Variants in DLGAP1 observed in about 807,000 individuals in gnomAD.
The protein encoded by DLGAP1 is DLG associated protein 1.
Under a neutral mutation model 90.8 loss-of-function variants are expected in DLGAP1, and 11 were observed. The observed-to-expected ratio is 0.12, with a 90% CI of 0.08 to 0.20. The LOEUF (loss-of-function observed/expected upper bound fraction) is 0.20, where lower values mean the gene tolerates loss of function less well. Ranked by LOEUF, DLGAP1 falls within the 10% of genes least tolerant of loss-of-function variation. DLGAP1 has a pLI of 1.00. For missense variants in DLGAP1, 1,050 were observed against 1,333.8 expected (o/e 0.79, Z 3.31); for synonymous variants, 558 against 540.7 (o/e 1.03, Z -0.44).
chr18:3,792,209 G>A (rs1598763274), intron 5 of DLGAP1, among the ~76,000 whole-genome samples: 1 of 152,148 alleles, frequency 6.6e-6, no homozygotes, highest in Non-Finnish European at 1.5e-5. Flanking sequence ...GGCTGGGCAC[G>A]ATGGCTCACA....
rs567680229 is a variant in DLGAP1 at position 3,567,350 on chromosome 18, T to C, written c.2057+140A>G. The C allele has an allele frequency of 5.2e-4, 356 of 678,956 alleles. 1 individual carries two copies. Among genetic ancestry groups the C allele is most frequent in the Middle Eastern group, 2.0e-3 (8 of 3,974 alleles). 42.1% of individuals were successfully genotyped at this position (678,956 alleles called of 1,614,324 possible). ...AAGTACAGGAGAGAATCAACTAATA[T>C]TGATTCAACTTCACCCTTTAAATAC... is the stretch of plus-strand genomic sequence containing the variant. On this transcript the variant is annotated intron_variant, in intron 9 of 12. Transcript: ENST00000315677.
intron 1 of DLGAP1, among the ~76,000 whole-genome samples, chr18:4,418,513 T>TA (rs146378600): frequency 1.3e-5 from 2 of 152,154 alleles, no homozygotes; most frequent in African/African-American, 2.4e-5. Context: ...CCAGAAACTA[T>TA]AAAAAAATCA....
intron 3 of DLGAP1, among the ~76,000 whole-genome samples, chr18:3,922,227 G>A (rs1419748154): frequency 6.6e-6 from 1 of 152,242 alleles, no homozygotes; most frequent in East Asian, 1.9e-4. Context: ...AAAAAGCTTC[G>A]TTTTAGTTAA....
At chr18:4,381,781 C>T (rs1000504390) in intron 1 of DLGAP1, among the ~76,000 whole-genome samples, 1 of 152,084 alleles carries the variant, frequency 6.6e-6, no homozygotes, top group Non-Finnish European at 1.5e-5. Flanking sequence ...AGGTTCCAGG[C>T]ACTTGCTTAT....
At chr18:4,318,381 T>A (rs980166029) in intron 1 of DLGAP1, among the ~76,000 whole-genome samples, 4 of 152,190 alleles carry the variant, frequency 2.6e-5, no homozygotes, top group Non-Finnish European at 5.9e-5. Flanking sequence ...TGTTAAACCA[T>A]GAAGCTGCCC....
rs907782259 is a variant in DLGAP1, at chr18:3,880,002, G to T, written c.67C>A (p.Leu23Met). Residue 23 changes from leucine to methionine, a missense_variant, in exon 4 of 13, where the codon CTG becomes ATG. Leu to Met is a conservative substitution (Grantham distance 15). Coordinates refer to ENST00000315677, the MANE Select transcript of DLGAP1 (RefSeq NM_004746.4). ...GVTCDSACDS[L>M]SHHSDRKPYL... is the part of the protein sequence containing the mutation. The stretch of plus-strand genomic sequence containing the variant: ...GGCTTGCGGTCGGAGTGGTGCGACA[G>T]CGAGTCACAGGCCGAGTCGCAGGTG... 1.9e-6 allele frequency: 3 copies of T among 1,610,504 alleles called. No individual in the cohort carries two copies. Among genetic ancestry groups the T allele is most frequent in the Non-Finnish European group, 1.7e-6 (2 of 1,179,918 alleles).
chr18:3,906,958 G>A (rs938792832), intron 3 of DLGAP1, among the ~76,000 whole-genome samples: 2 of 152,024 alleles, frequency 1.3e-5, no homozygotes, highest in Admixed American at 6.6e-5. Context: ...CAACAATACC[G>A]TAATAGTAAT....
intron 4 of DLGAP1, among the ~76,000 whole-genome samples, chr18:3,863,409 C>T (rs2070200866): frequency 1.3e-5 from 2 of 152,148 alleles, no homozygotes; most frequent in South Asian, 4.1e-4. Flanking sequence ...GAAAAATCAT[C>T]CCAATCTAAT....
intron 7 of DLGAP1, among the ~76,000 whole-genome samples, chr18:3,618,650 A>G (rs2057971354): frequency 6.7e-6 from 1 of 150,168 alleles, no homozygotes; most frequent in Admixed American, 6.7e-5. Context: ...ATGACAAGGC[A>G]GTTCTGGGCC....
At chr18:4,364,891 C>T (rs115891033) in intron 1 of DLGAP1, among the ~76,000 whole-genome samples, 5,242 of 152,188 alleles carry the variant, frequency 0.034, 149 homozygotes, top group African/African-American at 0.076. Flanking sequence ...ACTTCTTGAT[C>T]TCTGCCTTAA....
chr18:3,835,673 C>T (rs920875690), intron 4 of DLGAP1, among the ~76,000 whole-genome samples: 5 of 150,752 alleles, frequency 3.3e-5, no homozygotes, highest in Non-Finnish European at 7.4e-5. Flanking sequence ...AAGAAAATAT[C>T]CTCCTTTCTA....
At chr18:4,050,223 A>G (rs2075114313) in intron 2 of DLGAP1, among the ~76,000 whole-genome samples, 1 of 152,222 alleles carries the variant, frequency 6.6e-6, no homozygotes, top group Non-Finnish European at 1.5e-5. Flanking sequence ...CTGTGGAGGC[A>G]AAACAGACTA....
At chr18:3,963,130 T>C (rs995182571) in intron 3 of DLGAP1, among the ~76,000 whole-genome samples, 1 of 152,202 alleles carries the variant, frequency 6.6e-6, no homozygotes, top group African/African-American at 2.4e-5. Context: ...ACTGCTTTGC[T>C]TTGGGGGTGC....
chr18:4,436,191 T>A (rs1233283268), intron 1 of DLGAP1, among the ~76,000 whole-genome samples: 1 of 152,198 alleles, frequency 6.6e-6, no homozygotes, highest in Non-Finnish European at 1.5e-5. Flanking sequence ...TAGGCAGTGA[T>A]CTTTTATGTT....
chr18:3,749,547 C>T (rs1400760904), intron 5 of DLGAP1, among the ~76,000 whole-genome samples: 4 of 152,096 alleles, frequency 2.6e-5, no homozygotes, highest in African/African-American at 9.7e-5. Context: ...TTCCCTAATA[C>T]TTTATAATTG....
intron 1 of DLGAP1, among the ~76,000 whole-genome samples, chr18:4,317,882 T>A (rs2143551101): frequency 6.6e-6 from 1 of 152,354 alleles, no homozygotes; most frequent in Non-Finnish European, 1.5e-5. Context: ...AATCTCACTC[T>A]GTCGGCCAGA....
chr18:3,656,960 A>C (rs1225062944), intron 7 of DLGAP1, among the ~76,000 whole-genome samples: 1 of 151,998 alleles, frequency 6.6e-6, no homozygotes, highest in South Asian at 2.1e-4. Flanking sequence ...ATTAGTCAGG[A>C]TGGTCTCGAT....
intron 1 of DLGAP1, among the ~76,000 whole-genome samples, chr18:4,236,624 C>T (rs1028528651): frequency 2.5e-4 from 38 of 151,992 alleles, no homozygotes; most frequent in Admixed American, 2.2e-3. Context: ...TTTTCCCTCC[C>T]TTAAATGAGT....
At chr18:4,260,475 T>G (rs957795326) in intron 1 of DLGAP1, among the ~76,000 whole-genome samples, 1 of 152,198 alleles carries the variant, frequency 6.6e-6, no homozygotes, top group Non-Finnish European at 1.5e-5. Context: ...TTCACTTATG[T>G]TTGCAAATCA....
Sources: gnomAD v4.1 joint callset for allele counts (sites outside exome capture counted in the v4.1 genomes callset) on GRCh38, gnomAD v4.1.1 for gene constraint, MANE v1.5 for transcripts, NCBI Gene and HGNC (gene_info 2026-07-23, HGNC 2026-07-21) for gene names.